THSD4: variants seen among roughly 807,000 people sequenced by gnomAD.
THSD4 encodes the protein thrombospondin type-1 domain-containing protein 4.
A neutral mutation model predicts 119.0 loss-of-function variants in THSD4; 69 were observed. The observed-to-expected ratio is 0.58, with a 90% CI of 0.48 to 0.71. THSD4 has a LOEUF of 0.71. Ranked by LOEUF, THSD4 falls within the 30% of genes least tolerant of loss-of-function variation. THSD4 has a pLI of 0.00. For missense variants in THSD4, 1,393 were observed against 1,391.1 expected (o/e 1.00, Z -0.02); for synonymous variants, 524 against 540.4 (o/e 0.97, Z 0.42).
At chr15:71,619,970 C>T (rs1245417489) in intron 7 of THSD4, among the ~76,000 whole-genome samples, 1 of 152,178 alleles carries the variant, frequency 6.6e-6, no homozygotes, top group Non-Finnish European at 1.5e-5. Context: ...ACTAGAGTTA[C>T]ATATAGCTCT....
intron 7 of THSD4, among the ~76,000 whole-genome samples, chr15:71,417,013 C>T (rs1313830726): frequency 9.2e-6 from 1 of 108,432 alleles, no homozygotes; most frequent in Non-Finnish European, 2.0e-5. Context: ...CCTGCCTCAG[C>T]CTCCCAAAGT....
At chr15:71,444,724 A>G (rs1030746563) in intron 7 of THSD4, among the ~76,000 whole-genome samples, 1 of 152,180 alleles carries the variant, frequency 6.6e-6, no homozygotes, top group African/African-American at 2.4e-5. Flanking sequence ...CTCCATGATC[A>G]TTGGTGACCC....
rs565898211 is a variant in THSD4, at chr15:71,430,649, C to G, written c.1152+18826C>G. On this transcript the variant is annotated intron_variant, in intron 7 of 17. Coordinates refer to ENST00000261862, the MANE Select transcript of THSD4 (RefSeq NM_024817.3). The stretch of plus-strand genomic sequence containing the variant: ...GTGCCCGCCTCTAATCCCAGCTACT[C>G]GGGAGGCTGAGGCACAAGAATCACT... Among the ~76,000 whole-genome samples the G allele has an allele frequency of 6.8e-5, 10 of 147,564 alleles. No individual in the cohort carries two copies. The East Asian group carries it at 1.7e-3, about 25-fold the overall frequency.
At chr15:71,298,194 G>A (rs1475380356) in intron 6 of THSD4, among the ~76,000 whole-genome samples, 1 of 152,102 alleles carries the variant, frequency 6.6e-6, no homozygotes, top group East Asian at 1.9e-4. Flanking sequence ...ATTTGTTGAA[G>A]GGACTATGTC....
chr15:71,484,694 T>C (rs2047788066), intron 7 of THSD4, among the ~76,000 whole-genome samples: 2 of 152,174 alleles, frequency 1.3e-5, no homozygotes, highest in African/African-American at 2.4e-5. Context: ...GTGAGTTTAT[T>C]AACCCCCATT....
chr15:71,387,741 G>T (rs8033889), intron 6 of THSD4, among the ~76,000 whole-genome samples: 34,936 of 152,112 alleles, frequency 0.23, 4,119 homozygotes, highest in South Asian at 0.27. Context: ...GGCTTAGAAG[G>T]AAATATTATG....
chr15:71,454,948 CT>C (rs1287491878), intron 7 of THSD4, among the ~76,000 whole-genome samples: 4 of 152,318 alleles, frequency 2.6e-5, no homozygotes, highest in Admixed American at 1.3e-4. Flanking sequence ...TGTGGGACCC[CT>C]GCTACAGCTT....
intron 6 of THSD4, among the ~76,000 whole-genome samples, chr15:71,359,573 C>T (rs112851743): frequency 0.01 from 1,537 of 152,150 alleles, 9 homozygotes; most frequent in Middle Eastern, 0.017. Context: ...TTTGGGAGGG[C>T]GAGGTGGGTA....
intron 7 of THSD4, among the ~76,000 whole-genome samples, chr15:71,634,318 G>A (rs544002129): frequency 2.4e-4 from 36 of 152,344 alleles, no homozygotes; most frequent in Middle Eastern, 3.4e-3. Flanking sequence ...ACCCATGGCA[G>A]CCACTACAGT....
At chr15:71,433,539 G>A (rs2046968723) in intron 7 of THSD4, among the ~76,000 whole-genome samples, 1 of 150,054 alleles carries the variant, frequency 6.7e-6, no homozygotes, top group Non-Finnish European at 1.5e-5. Flanking sequence ...TATTAACTAA[G>A]GCCTCTGAGA....
At chr15:71,218,634 T>C (rs1342113297) in intron 4 of THSD4, among the ~76,000 whole-genome samples, 2 of 152,240 alleles carry the variant, frequency 1.3e-5, no homozygotes, top group Non-Finnish European at 2.9e-5. Flanking sequence ...CCTACATATG[T>C]CATGCTCCTC....
intron 1 of THSD4, among the ~76,000 whole-genome samples, chr15:71,121,913 T>C (rs2040411973): frequency 6.6e-6 from 1 of 152,020 alleles, no homozygotes; most frequent in Non-Finnish European, 1.5e-5. Context: ...ACCTAATGAT[T>C]GACAGGAGGA....
At chr15:71,163,531 G>A (rs1314628402) in intron 3 of THSD4, among the ~76,000 whole-genome samples, 3 of 152,078 alleles carry the variant, frequency 2.0e-5, no homozygotes, top group Non-Finnish European at 4.4e-5. Flanking sequence ...TGATGAGTTT[G>A]TTTTGTAAAG....
chr15:71,572,597 A>G (rs1316272737), intron 7 of THSD4, among the ~76,000 whole-genome samples: 1 of 152,146 alleles, frequency 6.6e-6, no homozygotes, highest in Non-Finnish European at 1.5e-5. Flanking sequence ...CATGTCTACT[A>G]ATGTGATACT....
At chr15:71,578,335 G>A (rs893148857) in intron 7 of THSD4, among the ~76,000 whole-genome samples, 23 of 152,002 alleles carry the variant, frequency 1.5e-4, no homozygotes, top group Admixed American at 2.6e-4. Context: ...CAGGTGACTC[G>A]AGGTTTGCTA....
chr15:71,426,508 G>C (rs920548), intron 7 of THSD4, among the ~76,000 whole-genome samples: 51,051 of 151,634 alleles, frequency 0.34, 9,060 homozygotes, highest in East Asian at 0.61. Context: ...TTTGCCCTAC[G>C]TTGCTTTTTT....
At chr15:71,111,898 TA>T, upstream of THSD4, 2 of 557,576 alleles carry the variant, frequency 3.6e-6, no homozygotes, top group Non-Finnish European at 3.1e-6. Flanking sequence ...GTTTCGCTGG[TA>T]AAAGGATTCC....
intron 7 of THSD4, among the ~76,000 whole-genome samples, chr15:71,640,707 T>C (rs1206049568): frequency 6.6e-6 from 1 of 152,180 alleles, no homozygotes; most frequent in African/African-American, 2.4e-5. Context: ...ATTTTATAAA[T>C]CCTGATTTTG....
rs1297178033 is a variant in THSD4, at chr15:71,523,399, C to CACAT, written c.1152+111577_1152+111580dup. On this transcript the variant is annotated intron_variant, in intron 7 of 17. Coordinates refer to ENST00000261862, the MANE Select transcript of THSD4 (RefSeq NM_024817.3). ...TCTTCTGTGTGTCTCTCCATAAGGA[C>CACAT]ACATGCCATTGGATTTAGGGCCCAC... 1.3e-4 allele frequency among the ~76,000 whole-genome samples: 20 copies of CACAT among 152,298 alleles called. No homozygotes were observed. The East Asian group carries it at 3.7e-3, about 28-fold the overall frequency.
Sources: allele counts gnomAD v4.1 joint callset (sites outside exome capture counted in the v4.1 genomes callset), GRCh38; gene constraint gnomAD v4.1.1; transcripts MANE v1.5; gene names NCBI Gene and HGNC (gene_info 2026-07-23, HGNC 2026-07-21).